PIK3R5: variants seen among roughly 807,000 people sequenced by gnomAD.
PIK3R5 encodes phosphoinositide 3-kinase regulatory subunit 5.
PIK3R5 carries 32 observed loss-of-function variants against 94.9 expected under a neutral mutation model. The ratio of observed to expected loss-of-function variants is 0.34; its 90% CI spans 0.25 to 0.45. The LOEUF is 0.45. PIK3R5 is among the 20% of genes least tolerant of loss of function. The pLI is 1.00. For missense variants in PIK3R5, 853 were observed against 1,144.6 expected, an observed-to-expected ratio of 0.75 and a Z score of 3.68; for synonymous variants, 443 against 479.4, an observed-to-expected ratio of 0.92 and a Z score of 0.99.
intron 1 of PIK3R5, among the ~76,000 whole-genome samples, chr17:8,953,214 C>T (rs1378866634): frequency 1.3e-5 from 2 of 152,180 alleles, no homozygotes; most frequent in Non-Finnish European, 2.9e-5. Flanking sequence ...AACTCAAGTA[C>T]CCTCTAGAAC....
intron 5 of PIK3R5, among the ~76,000 whole-genome samples, chr17:8,902,249 A>ATTTTTTTTTTTTTTTTTTTTTTTT (rs397960477): frequency 1.3e-5 from 1 of 77,194 alleles, no homozygotes; most frequent in Non-Finnish European, 2.3e-5. Flanking sequence ...TGATATATTA[A>ATTTTTTTTTTTTTTTTTTTTTTTT]TTTTTTTTTT....
Position 8,937,334 on chromosome 17 carries a change from G to A in PIK3R5, c.-13-25827C>T, listed in dbSNP as rs538514965. On this transcript the variant is annotated intron_variant, in intron 1 of 18. Transcript: ENST00000447110. ...CATCTTTGCCTTGGTCCCAGTCTTAGGGGGAAAACATCTAGTTTCTCACCA... is the reference window on the plus strand; with the variant it reads ...CATCTTTGCCTTGGTCCCAGTCTTAAGGGGAAAACATCTAGTTTCTCACCA... Among the ~76,000 whole-genome samples the A allele has an allele frequency of 2.0e-5, 3 of 152,292 alleles. 1 individual carries two copies. The highest frequency in any genetic ancestry group is 7.2e-5 in the African/African-American group (3 of 41,560).
chr17:8,944,147 T>A (rs955279976), intron 1 of PIK3R5, among the ~76,000 whole-genome samples: 1 of 152,208 alleles, frequency 6.6e-6, no homozygotes, highest in Non-Finnish European at 1.5e-5. Context: ...GTATTTTGTC[T>A]TCTGTTCCTG....
rs190254382 is a variant in PIK3R5 at position 8,925,897 on chromosome 17, A to G, written c.-13-14390T>C. Among the ~76,000 whole-genome samples the G allele has an allele frequency of 4.0e-3, 616 of 152,340 alleles. 2 individuals are homozygous for G. The highest frequency in any genetic ancestry group is 0.02 in the Middle Eastern group (6 of 294). On this transcript the variant is annotated intron_variant, in intron 1 of 18. Transcript: ENST00000447110. This position sits in a 1 kb window ranked among gnomAD's most constrained non-coding sequence, Gnocchi z 5.1. ...GAAAACAAGAGTCCTGCTTTGTCCGAGTTCTATCCCCTTCAGACCCCAATG... is the reference window on the plus strand; with the variant it reads ...GAAAACAAGAGTCCTGCTTTGTCCGGGTTCTATCCCCTTCAGACCCCAATG...
chr17:8,905,413 C>T (rs2090373425), intron 4 of PIK3R5, among the ~76,000 whole-genome samples: 1 of 152,140 alleles, frequency 6.6e-6, no homozygotes, highest in South Asian at 2.1e-4. Context: ...CTCTTGTGGC[C>T]TGTGAACAGA....
rs767441495 is a variant in PIK3R5, at chr17:8,888,919, T to C, written c.896-28A>G. ...GCAGGGAAGCAAGGCCAGCACTGTCTGGGCGTCTGGGCCCCGGATCCCCTT... is the reference window on the plus strand; with the variant it reads ...GCAGGGAAGCAAGGCCAGCACTGTCCGGGCGTCTGGGCCCCGGATCCCCTT... On this transcript the variant is annotated intron_variant, in intron 9 of 18. Transcript: ENST00000447110. This position sits in a 1 kb window ranked among gnomAD's most constrained non-coding sequence, Gnocchi z 7.8. 8 of 1,570,176 alleles carry C rather than the reference T, an allele frequency of 5.1e-6. No homozygotes were observed. The highest frequency in any genetic ancestry group is 1.7e-4 in the Middle Eastern group (1 of 5,890).
intron 2 of PIK3R5, among the ~76,000 whole-genome samples, chr17:8,910,747 AG>A (rs1460007056): frequency 1.3e-5 from 2 of 152,126 alleles, no homozygotes; most frequent in African/African-American, 4.8e-5. Flanking sequence ...GCAGGTGCAA[AG>A]GTGCTGAGGT....
At chr17:8,940,705 C>A (rs1455362057) in intron 1 of PIK3R5, among the ~76,000 whole-genome samples, 2 of 152,162 alleles carry the variant, frequency 1.3e-5, no homozygotes, top group Non-Finnish European at 2.9e-5. Context: ...GGATTACAGG[C>A]ATGAGCCATC....
At chr17:8,919,888 CTTTTTTT>C (rs11290606) in intron 1 of PIK3R5, among the ~76,000 whole-genome samples, 9 of 107,622 alleles carry the variant, frequency 8.4e-5, no homozygotes, top group Non-Finnish European at 1.7e-4. Context: ...CTTTTTCCTT[CTTTTTTT>C]TTTTTTTTTT....
chr17:8,918,734 A>T (rs897792282), intron 1 of PIK3R5, among the ~76,000 whole-genome samples: 3 of 152,158 alleles, frequency 2.0e-5, no homozygotes, highest in Non-Finnish European at 4.4e-5. Context: ...AATAATTACC[A>T]CTTATAAAGG....
At chr17:8,965,413 G>C (rs528779870) in intron 1 of PIK3R5, among the ~76,000 whole-genome samples, 183 bp downstream of exon 1, 2 of 152,364 alleles carry the variant, frequency 1.3e-5, no homozygotes, top group South Asian at 4.1e-4. Context: ...CAGGTTTGCA[G>C]ACCCGCTGCC....
intron 1 of PIK3R5, among the ~76,000 whole-genome samples, chr17:8,937,342 A>T (rs889469236): frequency 6.6e-6 from 1 of 152,188 alleles, no homozygotes; most frequent in African/African-American, 2.4e-5. Context: ...TAGGGGGAAA[A>T]CATCTAGTTT....
At position 8,880,976 on chromosome 17, in the gene PIK3R5, G is replaced by C. The variant is rs768688436; in HGVS notation, c.2424C>G (p.Ile808Met). 1.9e-6 allele frequency: 3 copies of C among 1,614,116 alleles called. No homozygotes were observed. Among genetic ancestry groups the C allele is most frequent in the Middle Eastern group, 1.6e-4 (1 of 6,062 alleles). The part of the protein sequence containing the change: ...SQIKVDKVQI[I>M]GSNSCPFAVC... ...CAGCAAAGGGGCAGCTGTTGGAGCC[G>C]ATGATCTGCACCTTGTCCACTTTGA... Residue 808 changes from isoleucine to methionine, a missense_variant, in exon 18 of 19, where the codon ATC (isoleucine) becomes ATG (methionine). Ile to Met is a conservative substitution (Grantham distance 10). Coordinates refer to ENST00000447110, the MANE Select transcript of PIK3R5 (RefSeq NM_001142633.3).
At chr17:8,930,567 A>G (rs967777515) in intron 1 of PIK3R5, among the ~76,000 whole-genome samples, 1 of 152,248 alleles carries the variant, frequency 6.6e-6, no homozygotes, top group Non-Finnish European at 1.5e-5. Context: ...AAACCTGTAC[A>G]TGAATGTTTA....
intron 3 of PIK3R5, among the ~76,000 whole-genome samples, chr17:8,907,133 T>G (rs1362584246): frequency 3.3e-5 from 5 of 151,932 alleles, no homozygotes; most frequent in Non-Finnish European, 5.9e-5. Flanking sequence ...AACCAATTCT[T>G]GTGCCTCAGC....
Position 8,900,638 on chromosome 17 carries a change from C to T in PIK3R5, c.412+4139G>A, listed in dbSNP as rs546471224. On this transcript the variant is annotated intron_variant, in intron 5 of 18. Transcript: ENST00000447110. ...TGAGTGATGGTTCCAAGAGTCCCCC[C>T]TGCTCTGAGGCCAAAGGACCCTCAT... is the stretch of plus-strand genomic sequence containing the variant. Among the ~76,000 whole-genome samples, 128 of 152,330 alleles carry T rather than the reference C, an allele frequency of 8.4e-4. 2 individuals carry two copies. The highest frequency in any genetic ancestry group is 2.9e-3 in the African/African-American group (122 of 41,568).
At chr17:8,883,431 C>G (rs1237821329) in intron 15 of PIK3R5, among the ~76,000 whole-genome samples, 2 of 152,200 alleles carry the variant, frequency 1.3e-5, no homozygotes, top group Non-Finnish European at 2.9e-5. Flanking sequence ...GTATGCTGGT[C>G]CCCCATTTCT....
intron 5 of PIK3R5, among the ~76,000 whole-genome samples, chr17:8,898,325 GA>G (rs1374857529): frequency 6.6e-6 from 1 of 152,258 alleles, no homozygotes; most frequent in African/African-American, 2.4e-5. Flanking sequence ...CAAAGGGTAT[GA>G]AGCCATATTA....
intron 15 of PIK3R5, among the ~76,000 whole-genome samples, chr17:8,883,252 C>T (rs2089724976): frequency 1.3e-5 from 2 of 152,198 alleles, no homozygotes; most frequent in South Asian, 4.1e-4. Context: ...ACCTGCTACC[C>T]AGCTACTCAG....
Sources: allele counts gnomAD v4.1 joint callset (sites outside exome capture counted in the v4.1 genomes callset), GRCh38; gene constraint gnomAD v4.1.1; non-coding constraint Gnocchi (gnomAD v3.1); transcripts MANE v1.5; gene names NCBI Gene and HGNC (gene_info 2026-07-23, HGNC 2026-07-21).